The following TDP1 variants were observed in gnomAD, a reference collection of about 807,000 sequenced individuals.
The protein encoded by TDP1 is tyr-DNA phosphodiesterase 1.
In TDP1, 64 loss-of-function variants were observed where a neutral mutation model predicts 81.5. The observed-to-expected ratio is 0.79, with a 90% confidence interval of 0.64 to 0.97. The LOEUF (loss-of-function observed/expected upper bound fraction) is 0.97, where lower values mean the gene tolerates loss of function less well. Among genes scored for constraint, TDP1 ranks in the 50% least tolerant of loss-of-function variants. TDP1 has a pLI of 0.00. For missense variants in TDP1, 723 were observed against 743.8 expected, an observed-to-expected ratio of 0.97 and a Z score of 0.33; for synonymous variants, 256 against 264.3, an observed-to-expected ratio of 0.97 and a Z score of 0.30.
At chr14:89,977,304 AT>A (rs1009327117) in intron 7 of TDP1, among the ~76,000 whole-genome samples, 7 of 150,952 alleles carry the variant, frequency 4.6e-5, no homozygotes, top group Admixed American at 1.3e-4. Context: ...TTAAAAAAAA[AT>A]TTTTTTTTTG....
At position 89,967,334 on chromosome 14, in the gene TDP1, A is replaced by G. The variant is rs757617459; in HGVS notation, c.604-33A>G. On this transcript the variant is annotated intron_variant, in intron 4 of 16. Coordinates refer to ENST00000335725, the MANE Select transcript of TDP1 (RefSeq NM_018319.4). ...TATGAACTGTTTGGCAGAATTACCT[A>G]TGGCTTAGTTACTCTTCTTTTCTCC... 3.4e-5 allele frequency: 54 copies of G among 1,606,460 alleles called. No homozygotes were observed. The Admixed American group carries it at 5.3e-4, about 16-fold the overall frequency.
intron 14 of TDP1, among the ~76,000 whole-genome samples, chr14:90,002,475 G>C (rs1897267628): frequency 6.6e-6 from 1 of 152,008 alleles, no homozygotes; most frequent in Non-Finnish European, 1.5e-5. Context: ...GATTTTTCAT[G>C]TCTCTCATAT....
intron 7 of TDP1, among the ~76,000 whole-genome samples, chr14:89,978,327 C>T (rs988890368): frequency 7.2e-5 from 11 of 152,224 alleles, no homozygotes; most frequent in African/African-American, 2.7e-4. Context: ...GCTGTAGATT[C>T]CACAATTGTA....
chr14:89,980,407 T>C lies in TDP1; in HGVS notation c.792-133T>C, dbSNP rs370431071. The C allele has an allele frequency of 4.3e-6, 6 of 1,410,696 alleles. No homozygotes were observed. In the African/African-American group the frequency reaches 4.3e-5, roughly 10 times the overall value. 87.4% of individuals were successfully genotyped at this position (1,410,696 alleles called of 1,614,324 possible). A position where few individuals can be genotyped will look rare whatever the true frequency, so the allele number is the denominator to read the frequency against. ...TCATGGTAATGTATAGAAGGGAAGA[T>C]TATAAATGTTAAGTTTGGGTAATAT... On this transcript the variant is annotated intron_variant, in intron 7 of 16. Transcript: ENST00000335725.
intron 2 of TDP1, among the ~76,000 whole-genome samples, chr14:89,961,602 G>A (rs1020945735): frequency 3.3e-5 from 5 of 152,046 alleles, no homozygotes; most frequent in African/African-American, 9.7e-5. Flanking sequence ...TGTTTAAACC[G>A]CAGAAGGGAG....
chr14:90,038,472 A>G (rs551015196), intron 16 of TDP1, among the ~76,000 whole-genome samples: 79 of 152,182 alleles, frequency 5.2e-4, no homozygotes, highest in Non-Finnish European at 1.1e-3. Context: ...ATCATCAAGT[A>G]TTTTTCTAAG....
At chr14:90,020,353 T>TGCC (rs1885830415) in intron 15 of TDP1, among the ~76,000 whole-genome samples, 1 of 142,892 alleles carries the variant, frequency 7.0e-6, no homozygotes, top group African/African-American at 2.9e-5. Context: ...CCTTCCTCCC[T>TGCC]TCCTCCCTCC....
chr14:90,042,997 T>C (rs1888513426), intron 16 of TDP1, 73 bp from the exon 17 acceptor site: 37 of 1,611,654 alleles, frequency 2.3e-5, no homozygotes, highest in Non-Finnish European at 3.1e-5. Flanking sequence ...CATAAGTGTT[T>C]TTATGCCATC....
At chr14:89,971,055 C>G (rs1280310402) in intron 5 of TDP1, 120 bp from the exon 6 acceptor site, 7 of 794,420 alleles carry the variant, frequency 8.8e-6, no homozygotes, top group Middle Eastern at 2.6e-4. Flanking sequence ...AGTCTGGTCT[C>G]GAACTCCTGA....
chr14:89,977,910 A>G (rs1186103022), intron 7 of TDP1, among the ~76,000 whole-genome samples: 1 of 152,134 alleles, frequency 6.6e-6, no homozygotes, highest in Non-Finnish European at 1.5e-5. Context: ...GTGTTTTAGA[A>G]TGGGAAAGCT....
At chr14:89,975,661 A>G in intron 6 of TDP1, 120 bp from the exon 7 acceptor site, 2 of 987,564 alleles carry the variant, frequency 2.0e-6, no homozygotes, top group Non-Finnish European at 3.1e-6. Context: ...CTTGCCTGGT[A>G]GAGATCAGTA....
chr14:89,980,266 G>T lies in TDP1; in HGVS notation c.792-274G>T, dbSNP rs1338849207. 9 of 985,252 alleles carry T rather than the reference G, an allele frequency of 9.1e-6. No homozygotes were observed. In the African/African-American group the frequency reaches 1.4e-4, roughly 15 times the overall value. The allele number at this position is 985,252 out of a possible 1,614,324, so 61.0% of individuals were successfully genotyped here. On this transcript the variant is annotated intron_variant, in intron 7 of 16. Coordinates refer to ENST00000335725, the MANE Select transcript of TDP1 (RefSeq NM_018319.4). Reference sequence around the variant, plus strand: ...AGGTAATGCTGAATAGATAATAAGGGGCCAGGCTGGAGGGATGTGAAGTGC... The same window carrying T: ...AGGTAATGCTGAATAGATAATAAGGTGCCAGGCTGGAGGGATGTGAAGTGC...
intron 14 of TDP1, among the ~76,000 whole-genome samples, chr14:90,006,935 C>T (rs541348380): frequency 6.6e-6 from 1 of 152,184 alleles, no homozygotes; most frequent in African/African-American, 2.4e-5. Context: ...CTCTATCTGC[C>T]TTGGCCTCCC....
chr14:90,035,453 C>A lies in TDP1; in HGVS notation c.1753+2239C>A, dbSNP rs531085186. Among the ~76,000 whole-genome samples, 6 of 150,578 alleles carry A rather than the reference C, an allele frequency of 4.0e-5. No homozygotes were observed. In the East Asian group the frequency reaches 1.2e-3, roughly 29 times the overall value. ...TTTAAAGCAGTCTGTCAGGATCTTA[C>A]CTGCCACCAAAAAAAAAAAAACCCC... On this transcript the variant is annotated intron_variant, in intron 16 of 16. Coordinates refer to ENST00000335725, the MANE Select transcript of TDP1 (RefSeq NM_018319.4).
intron 3 of TDP1, among the ~76,000 whole-genome samples, chr14:89,965,194 G>A (rs145760335): frequency 2.0e-5 from 3 of 152,162 alleles, no homozygotes; most frequent in Admixed American, 6.5e-5. Flanking sequence ...TCTGAAAATC[G>A]TTCTACCCCA....
intron 7 of TDP1, chr14:89,980,025 A>G (rs1894797565): frequency 3.3e-6 from 1 of 302,760 alleles, no homozygotes; most frequent in Non-Finnish European, 4.9e-6. Context: ...TCAACTCATA[A>G]TAAGAAATAC....
chr14:90,030,943 G>A (rs1420368277), intron 15 of TDP1, among the ~76,000 whole-genome samples: 1 of 147,070 alleles, frequency 6.8e-6, no homozygotes, highest in Non-Finnish European at 1.5e-5. Context: ...TTTTTTTTTT[G>A]TATTTATTTA....
chr14:89,981,232 C>A (rs914353986), intron 8 of TDP1, among the ~76,000 whole-genome samples: 1 of 152,076 alleles, frequency 6.6e-6, no homozygotes, highest in African/African-American at 2.4e-5. Context: ...CTTTTTAGAG[C>A]CTTTAGTGTG....
In TDP1 at chr14:89,971,536, G is replaced by C. The variant is rs28441698; in HGVS notation, c.756+265G>C. 0.026 allele frequency among the ~76,000 whole-genome samples: 3,958 copies of C among 152,270 alleles called. 186 individuals carry two copies. The highest frequency in any genetic ancestry group is 0.089 in the African/African-American group (3,699 of 41,538). On this transcript the variant is annotated intron_variant, in intron 6 of 16. Transcript: ENST00000335725. The stretch of plus-strand genomic sequence containing the variant: ...TTGGTCTTAATTTTCCCCTTCTGGA[G>C]CCACACAGAATAAGTAAGTCTTTCA...
Sources: gnomAD v4.1 joint callset for allele counts (sites outside exome capture counted in the v4.1 genomes callset) on GRCh38, gnomAD v4.1.1 for gene constraint, MANE v1.5 for transcripts, NCBI Gene and HGNC (gene_info 2026-07-23, HGNC 2026-07-21) for gene names.